RABL6: variants seen among roughly 807,000 people sequenced by gnomAD.
The protein encoded by RABL6 is rab-like protein 6.
In RABL6, 28 loss-of-function variants were observed where a neutral mutation model predicts 72.9. The observed-to-expected ratio is 0.38, with a 90% CI of 0.28 to 0.53. RABL6 has a LOEUF of 0.53. Among genes scored for constraint, RABL6 ranks in the 20% least tolerant of loss-of-function variants. The pLI is 0.80. For missense variants in RABL6, 1,029 were observed against 1,008.4 expected, an observed-to-expected ratio of 1.02 and a Z score of -0.28; for synonymous variants, 477 against 421.2, an observed-to-expected ratio of 1.13 and a Z score of -1.62.
At chr9:136,823,953 C>T (rs983774449) in intron 2 of RABL6, among the ~76,000 whole-genome samples, 5 of 152,222 alleles carry the variant, frequency 3.3e-5, no homozygotes, top group African/African-American at 9.6e-5. Flanking sequence ...AGGTACATTC[C>T]GAGGAGCATT....
chr9:136,829,251 A>C, intron 4 of RABL6, 142 bp from the exon 5 acceptor site: 1 of 684,798 alleles, frequency 1.5e-6, no homozygotes, highest in Non-Finnish European at 2.5e-6. Flanking sequence ...TAGCTATCCC[A>C]TCTCTTCAGC....
chr9:136,834,767 C>T lies in RABL6; in HGVS notation c.706-975C>T, dbSNP rs534710056. The stretch of plus-strand genomic sequence containing the variant: ...TGCTGGGATTACAGGTGTGAGCCAC[C>T]ACGCCCAGCCTCACATTTTTATTTT... On this transcript the variant is annotated intron_variant, in intron 7 of 14. Transcript: ENST00000311502. 7.2e-5 allele frequency among the ~76,000 whole-genome samples: 11 copies of T among 152,136 alleles called. 1 individual carries two copies. In the East Asian group the frequency reaches 1.2e-3, roughly 16 times the overall value.
chr9:136,833,993 A>G, intron 7 of RABL6: 1 of 1,518,044 alleles, frequency 6.6e-7, no homozygotes, highest in Non-Finnish European at 8.9e-7. Flanking sequence ...AAAGCCTCCC[A>G]GGGAGAGAAC....
At chr9:136,829,569 T>C (rs945014817) in intron 5 of RABL6, 85 bp downstream of exon 5, 6 of 1,218,198 alleles carry the variant, frequency 4.9e-6, no homozygotes, top group Non-Finnish European at 7.1e-6. Context: ...CAGATAATGG[T>C]TAGAGCAGCA....
At chr9:136,832,186 A>C in intron 6 of RABL6, 79 bp from the exon 7 acceptor site, 9 of 1,319,712 alleles carry the variant, frequency 6.8e-6, no homozygotes, top group East Asian at 2.3e-5. Flanking sequence ...GTGCGGACCC[A>C]CAGCTGTGGG....
chr9:136,826,944 G>A lies in RABL6; in HGVS notation c.313+1118G>A, dbSNP rs1564365627. On this transcript the variant is annotated intron_variant, in intron 3 of 14. Coordinates refer to ENST00000311502, the MANE Select transcript of RABL6 (RefSeq NM_024718.5). This position sits in a 1 kb window ranked among gnomAD's most constrained non-coding sequence, Gnocchi z 4.9. ...CCGTAGACACGGTTGCCCAGAGTGG[G>A]GTTCATAACTGGGCACTGTAAAGGG... 1 of 152,236 alleles carries A rather than the reference G, an allele frequency of 6.6e-6. No individual in the cohort carries two copies. Among genetic ancestry groups the A allele is most frequent in the Non-Finnish European group, 1.5e-5 (1 of 68,078 alleles). The allele number at this position is 152,236 out of a possible 1,614,324, so 9.4% of individuals were successfully genotyped here.
Position 136,822,828 on chromosome 9 carries a change from T to C in RABL6, c.131-697T>C, listed in dbSNP as rs540084471. Among the ~76,000 whole-genome samples, 185 of 152,214 alleles carry C rather than the reference T, an allele frequency of 1.2e-3. 3 individuals are homozygous for C. The highest frequency in any genetic ancestry group is 9.1e-3 in the South Asian group (44 of 4,822). On this transcript the variant is annotated intron_variant, in intron 1 of 14. Coordinates refer to ENST00000311502, the MANE Select transcript of RABL6 (RefSeq NM_024718.5). ...ACGCCAGGGCTCGCAGTGGCTCACG[T>C]CTGTAATCCCAGCACTTTGGGAGGC...
At position 136,807,951 on chromosome 9, in the gene RABL6, T is replaced by G. The variant is rs1278636704; in HGVS notation, c.-246T>G. 1 of 999,028 alleles carries G rather than the reference T, an allele frequency of 1.0e-6. No individual in the cohort carries two copies. Among genetic ancestry groups the G allele is most frequent in the African/African-American group, 1.8e-5 (1 of 57,020 alleles). 61.9% of individuals were successfully genotyped at this position (999,028 alleles called of 1,614,324 possible). On this transcript the variant is annotated 5_prime_UTR_variant, in exon 1 of 15. It removes an upstream start codon present in the reference 5' UTR. Coordinates refer to ENST00000311502, the MANE Select transcript of RABL6 (RefSeq NM_024718.5). ...CCGTCCCGCCGAGCCGGCGCCAAGA[T>G]GGCGGCGCTGACTCCTGGAGAGCGG...
intron 3 of RABL6, 111 bp from the exon 4 acceptor site, chr9:136,828,383 G>A (rs1050213232): frequency 1.9e-5 from 21 of 1,098,680 alleles, no homozygotes; most frequent in Admixed American, 8.0e-5. Context: ...GGGTGGTGGA[G>A]TAGAGCACCC....
In RABL6 at chr9:136,840,722, G is replaced by T. The variant is rs1171783989; in HGVS notation, c.*200G>T. ...TTCAGGCCCAGTGTGAGCCTGCTCTGCAAGAAGGGAGGGGACAGCTGGCTT... is the reference window on the plus strand; with the variant it reads ...TTCAGGCCCAGTGTGAGCCTGCTCTTCAAGAAGGGAGGGGACAGCTGGCTT... On this transcript the variant is annotated 3_prime_UTR_variant, in exon 15 of 15. Transcript: ENST00000311502. The T allele has an allele frequency of 6.5e-7, 1 of 1,548,678 alleles. No homozygotes were observed.
intron 7 of RABL6, chr9:136,832,572 C>A: frequency 3.1e-6 from 2 of 648,406 alleles, no homozygotes; most frequent in Non-Finnish European, 2.8e-6. Context: ...GGGCTAGACC[C>A]AGTCCCAGGA....
chr9:136,840,087 G>C, intron 13 of RABL6, 67 bp from the exon 14 acceptor site: 2 of 1,604,272 alleles, frequency 1.2e-6, no homozygotes, highest in South Asian at 1.1e-5. Flanking sequence ...TTCTAGAGAA[G>C]TCCTGTCACC....
In RABL6 at chr9:136,808,031, G is replaced by A. The variant is rs1847903609; in HGVS notation, c.-166G>A. 1.9e-6 allele frequency: 2 copies of A among 1,051,348 alleles called. No individual in the cohort carries two copies. Among genetic ancestry groups the A allele is most frequent in the Non-Finnish European group, 2.3e-6 (2 of 870,890 alleles). 65.1% of individuals were successfully genotyped at this position (1,051,348 alleles called of 1,614,324 possible). ...GAGCAGCCGCGGCTGAGGTTCCCGA[G>A]TCGCCGCTCGGGGCTGCGCTCCGCC... On this transcript the variant is annotated 5_prime_UTR_variant, in exon 1 of 15. Transcript: ENST00000311502.
rs1368603882 is a variant in RABL6, at chr9:136,826,725, G to T, written c.313+899G>T. 1 of 152,166 alleles carries T rather than the reference G, an allele frequency of 6.6e-6. No homozygotes were observed. Among genetic ancestry groups the T allele is most frequent in the African/African-American group, 2.4e-5 (1 of 41,392 alleles). 9.4% of individuals were successfully genotyped at this position (152,166 alleles called of 1,614,324 possible). On this transcript the variant is annotated intron_variant, in intron 3 of 14. Coordinates refer to ENST00000311502, the MANE Select transcript of RABL6 (RefSeq NM_024718.5). This position sits in a 1 kb window ranked among gnomAD's most constrained non-coding sequence, Gnocchi z 4.9. Reference sequence around the variant, plus strand: ...GCGTGGTCTCTGGTGTTAGAGAGGTGGCCACCCACCGCCCTATCATTGTCC... The same window carrying T: ...GCGTGGTCTCTGGTGTTAGAGAGGTTGCCACCCACCGCCCTATCATTGTCC...
In RABL6 at chr9:136,840,534, C is replaced by T. The variant is rs1848675192; in HGVS notation, c.*12C>T. 6.7e-7 allele frequency: 1 copy of T among 1,491,346 alleles called. No individual in the cohort carries two copies. Among genetic ancestry groups the T allele is most frequent in the East Asian group, 2.7e-5 (1 of 36,520 alleles). The allele number at this position is 1,491,346 out of a possible 1,614,324, so 92.4% of individuals were successfully genotyped here. A position where few individuals can be genotyped will look rare whatever the true frequency, so the allele number is the denominator to read the frequency against. ...ACGAGGAGCTCTAGGCCGGCGTGGG[C>T]AGTGGCCGCCCTGGGGCGGGGGGCG... On this transcript the variant is annotated 3_prime_UTR_variant, in exon 15 of 15. Transcript: ENST00000311502.
At chr9:136,828,896 C>G in intron 4 of RABL6, among the ~76,000 whole-genome samples, 1 of 152,326 alleles carries the variant, frequency 6.6e-6, no homozygotes, top group Non-Finnish European at 1.5e-5. Context: ...GTTTCGCTCA[C>G]CGGAGCCACC....
chr9:136,819,337 A>G (rs928044395), intron 1 of RABL6, among the ~76,000 whole-genome samples: 11 of 151,842 alleles, frequency 7.2e-5, no homozygotes, highest in Non-Finnish European at 1.5e-4. Context: ...AAAAAAAAAA[A>G]AAAAAAGAAA....
At chr9:136,810,047 A>G (rs1047473866) in intron 1 of RABL6, 2 of 152,236 alleles carry the variant, frequency 1.3e-5, no homozygotes, top group African/African-American at 4.8e-5. Flanking sequence ...AATGTGTTAT[A>G]ATTGAAACTT....
chr9:136,814,193 T>C (rs751851136), intron 1 of RABL6: 34 of 265,666 alleles, frequency 1.3e-4, no homozygotes, highest in Non-Finnish European at 2.2e-4. Flanking sequence ...CTAGTTTTTG[T>C]TTTTCTTTCT....
Sources: gnomAD v4.1 joint callset for allele counts (sites outside exome capture counted in the v4.1 genomes callset) on GRCh38, gnomAD v4.1.1 for gene constraint, Gnocchi (gnomAD v3.1) non-coding constraint, MANE v1.5 for transcripts, NCBI Gene and HGNC (gene_info 2026-07-23, HGNC 2026-07-21) for gene names.